ADARB1: variants seen among roughly 807,000 people sequenced by gnomAD.
ADARB1 encodes adenosine deaminase RNA specific B1.
ADARB1 carries 10 observed loss-of-function variants against 52.4 expected under a neutral mutation model. The observed-to-expected ratio is 0.19, with a 90% CI of 0.12 to 0.32. The LOEUF is 0.32. Ranked by LOEUF, ADARB1 falls within the 10% of genes least tolerant of loss-of-function variation. The pLI is 1.00. For missense variants in ADARB1, 643 were observed against 922.3 expected, an observed-to-expected ratio of 0.70 and a Z score of 3.92; for synonymous variants, 349 against 371.1, an observed-to-expected ratio of 0.94 and a Z score of 0.68.
Position 45,204,549 on chromosome 21 carries a change from C to T in ADARB1, c.1566-6C>T, listed in dbSNP as rs768746036. On this transcript the variant is annotated splice_polypyrimidine_tract_variant and splice_region_variant and intron_variant, in intron 8 of 10. Transcript: ENST00000348831. This position sits in a 1 kb window ranked among gnomAD's most constrained non-coding sequence, Gnocchi z 4.4. Reference sequence around the variant, plus strand: ...CCCTGAAGACTGTGCTTTCTTCTCCCTCCAGCTGGAACGTGGTGGGCATCC... The same window carrying T: ...CCCTGAAGACTGTGCTTTCTTCTCCTTCCAGCTGGAACGTGGTGGGCATCC... 7 of 1,613,906 alleles carry T rather than the reference C, an allele frequency of 4.3e-6. No individual in the cohort carries two copies. The South Asian group carries it at 6.6e-5, about 15-fold the overall frequency.
intron 2 of ADARB1, among the ~76,000 whole-genome samples, chr21:45,166,890 T>A (rs201874336): frequency 7.0e-6 from 1 of 143,466 alleles, no homozygotes; most frequent in Non-Finnish European, 1.5e-5. Context: ...TTTTTTTTTT[T>A]AATTGACCAT....
In ADARB1 at chr21:45,185,976, A is replaced by G. The variant is rs920686788; in HGVS notation, c.1565+885A>G. Among the ~76,000 whole-genome samples, 13 of 152,318 alleles carry G rather than the reference A, an allele frequency of 8.5e-5. 1 individual carries two copies. The highest frequency in any genetic ancestry group is 3.4e-3 in the Middle Eastern group (1 of 294). ...TGGGTCTTGTCAGGCAACCTCAAGT[A>G]CAGGGAGCTGGATTAATCACACATT... is the stretch of plus-strand genomic sequence containing the variant. On this transcript the variant is annotated intron_variant, in intron 8 of 10. Coordinates refer to ENST00000348831, the MANE Select transcript of ADARB1 (RefSeq NM_001112.4).
intron 1 of ADARB1, among the ~76,000 whole-genome samples, chr21:45,089,631 A>G (rs1044069463): frequency 1.3e-5 from 2 of 152,052 alleles, no homozygotes; most frequent in African/African-American, 4.8e-5. Context: ...ATCTATATGA[A>G]ATTTGTTTTT....
chr21:45,195,072 G>C (rs73232686), intron 8 of ADARB1, among the ~76,000 whole-genome samples: 2 of 152,182 alleles, frequency 1.3e-5, no homozygotes, highest in Non-Finnish European at 2.9e-5. Flanking sequence ...CCAGTATTCA[G>C]TGTTGTCAGC....
At chr21:45,159,514 G>T (rs1250588149) in intron 2 of ADARB1, among the ~76,000 whole-genome samples, 2 of 152,178 alleles carry the variant, frequency 1.3e-5, no homozygotes, top group Non-Finnish European at 1.5e-5. Flanking sequence ...CGTAGTACTA[G>T]AATTAGATTT....
At chr21:45,107,891 T>C (rs1374266246) in intron 1 of ADARB1, among the ~76,000 whole-genome samples, 3 of 152,156 alleles carry the variant, frequency 2.0e-5, no homozygotes, top group African/African-American at 7.2e-5. Flanking sequence ...GCAAAACCTA[T>C]TTTTACAAAA....
intron 8 of ADARB1, among the ~76,000 whole-genome samples, chr21:45,190,633 A>G (rs1475666338): frequency 6.6e-6 from 1 of 151,086 alleles, no homozygotes; most frequent in African/African-American, 2.4e-5. Context: ...TGGCTAAAAA[A>G]TCTAGGACCT....
At chr21:45,213,962 A>G (rs556361300) in intron 9 of ADARB1, among the ~76,000 whole-genome samples, 1 of 152,192 alleles carries the variant, frequency 6.6e-6, no homozygotes, top group Non-Finnish European at 1.5e-5. Flanking sequence ...TTAGAAAACT[A>G]TTAACCTGTT....
intron 1 of ADARB1, among the ~76,000 whole-genome samples, chr21:45,101,825 C>T (rs1427587544): frequency 6.6e-6 from 1 of 152,190 alleles, no homozygotes; most frequent in Non-Finnish European, 1.5e-5. Context: ...TGTAAGGGGT[C>T]AGTAGTTACA....
At chr21:45,103,834 G>T (rs1569010584) in intron 1 of ADARB1, among the ~76,000 whole-genome samples, 2 of 152,090 alleles carry the variant, frequency 1.3e-5, no homozygotes, top group Admixed American at 6.5e-5. Context: ...AAAAATAAGT[G>T]TTTTTTCAAA....
Position 45,226,407 on chromosome 21 carries a change from T to G in ADARB1, c.*4210T>G, listed in dbSNP as rs2093059551. The G allele has an allele frequency of 6.5e-6, 1 of 152,796 alleles. No homozygotes were observed. The highest frequency in any genetic ancestry group is 2.4e-5 in the African/African-American group (1 of 41,576). The allele number at this position is 152,796 out of a possible 1,614,324, so 9.5% of individuals were successfully genotyped here. On this transcript the variant is annotated 3_prime_UTR_variant, in exon 11 of 11. Coordinates refer to ENST00000348831, the MANE Select transcript of ADARB1 (RefSeq NM_001112.4). ...GAAACATGTTGCTGAGATGCAATCC[T>G]CAGTGTTCTCTGTATGTAAATCTGT...
In ADARB1 at chr21:45,114,356, C is replaced by T. The variant is rs150581895; in HGVS notation, c.-219-14046C>T. On this transcript the variant is annotated intron_variant, in intron 1 of 10. Transcript: ENST00000348831. ...TTGTGACATACTTGTCCACAGAGAC[C>T]GCAGATAACCCCAGCACCCTCTCAG... is the stretch of plus-strand genomic sequence containing the variant. Among the ~76,000 whole-genome samples, 232 of 152,256 alleles carry T rather than the reference C, an allele frequency of 1.5e-3. 1 individual carries two copies. The highest frequency in any genetic ancestry group is 5.4e-3 in the African/African-American group (225 of 41,524).
chr21:45,101,654 A>G (rs2087022262), intron 1 of ADARB1, among the ~76,000 whole-genome samples: 1 of 152,226 alleles, frequency 6.6e-6, no homozygotes, highest in African/African-American at 2.4e-5. Flanking sequence ...GAACTTCACC[A>G]TCGTAGAGCT....
intron 1 of ADARB1, chr21:45,101,006 GGCA>G (rs775551617): frequency 1.2e-4 from 19 of 152,862 alleles, no homozygotes; most frequent in Non-Finnish European, 2.5e-4. Flanking sequence ...GAGCAGGACT[GGCA>G]GCAGCAGCAG....
intron 1 of ADARB1, among the ~76,000 whole-genome samples, chr21:45,091,354 TATG>T (rs570210706): frequency 1.6e-4 from 24 of 152,222 alleles, no homozygotes; most frequent in Middle Eastern, 3.2e-3. Flanking sequence ...ATTGAATTCT[TATG>T]ATGAAAAAAC....
chr21:45,189,556 A>T (rs926504593), intron 8 of ADARB1, among the ~76,000 whole-genome samples: 15 of 152,092 alleles, frequency 9.9e-5, no homozygotes, highest in African/African-American at 3.6e-4. Flanking sequence ...CATACAGCTT[A>T]ATGTTGCTAT....
At chr21:45,212,854 A>G (rs555926931) in intron 9 of ADARB1, among the ~76,000 whole-genome samples, 1 of 152,352 alleles carries the variant, frequency 6.6e-6, no homozygotes, top group Non-Finnish European at 1.5e-5. Context: ...ACTGAAAGAA[A>G]CAATTTAGAA....
At chr21:45,162,946 T>C (rs914322176) in intron 2 of ADARB1, among the ~76,000 whole-genome samples, 3 of 152,198 alleles carry the variant, frequency 2.0e-5, no homozygotes, top group Non-Finnish European at 2.9e-5. Context: ...CAGACCCAGG[T>C]CGGAGAGCTC....
At chr21:45,136,254 A>G (rs1487847932) in intron 2 of ADARB1, among the ~76,000 whole-genome samples, 1 of 152,156 alleles carries the variant, frequency 6.6e-6, no homozygotes, top group East Asian at 1.9e-4. Flanking sequence ...TGAGTGAGGG[A>G]CAGCAGGGCA....
Sources: gnomAD v4.1 joint callset for allele counts (sites outside exome capture counted in the v4.1 genomes callset) on GRCh38, gnomAD v4.1.1 for gene constraint, Gnocchi (gnomAD v3.1) non-coding constraint, MANE v1.5 for transcripts, NCBI Gene and HGNC (gene_info 2026-07-23, HGNC 2026-07-21) for gene names.